CNTN1: variants seen among roughly 807,000 people sequenced by gnomAD.
The protein encoded by CNTN1 is contactin-1.
Under a neutral mutation model 126.4 loss-of-function variants are expected in CNTN1, and 38 were observed. That is an observed-to-expected ratio of 0.30 (90% CI 0.23 to 0.39). The LOEUF (loss-of-function observed/expected upper bound fraction) is 0.39, where lower values mean the gene tolerates loss of function less well. Ranked by LOEUF, CNTN1 falls within the 10% of genes least tolerant of loss-of-function variation. CNTN1 has a pLI of 1.00. For synonymous variants in CNTN1, 413 were observed against 422.6 expected, an observed-to-expected ratio of 0.98 and a Z score of 0.28; for missense variants, 1,009 against 1,248.4, an observed-to-expected ratio of 0.81 and a Z score of 2.89.
chr12:41,025,934 A>T (rs188883708), intron 21 of CNTN1, among the ~76,000 whole-genome samples: 336 of 152,190 alleles, frequency 2.2e-3, no homozygotes, highest in Non-Finnish European at 3.7e-3. Flanking sequence ...TTTATGTAGG[A>T]CTCTAGGGAA....
intron 1 of CNTN1, among the ~76,000 whole-genome samples, chr12:40,704,486 C>G (rs1183033380): frequency 6.6e-6 from 1 of 151,990 alleles, no homozygotes; most frequent in East Asian, 1.9e-4. Flanking sequence ...TCATCTTCAT[C>G]TTTTTCACAG....
At chr12:41,057,202 T>A (rs1361760361) in intron 23 of CNTN1, among the ~76,000 whole-genome samples, 9 of 145,264 alleles carry the variant, frequency 6.2e-5, no homozygotes, top group Non-Finnish European at 1.4e-4. Context: ...TTTATATTAT[T>A]ATATTTAGAT....
chr12:40,990,157 G>C (rs1033845039), intron 16 of CNTN1, among the ~76,000 whole-genome samples: 5 of 152,126 alleles, frequency 3.3e-5, no homozygotes, highest in African/African-American at 4.8e-5. Context: ...AAACATGTTT[G>C]TTTTAGATAT....
chr12:41,025,343 C>G lies in CNTN1; in HGVS notation c.2710+7C>G. ...GCTTTCACCAAGAAAGCACGTGAGT[C>G]TCACGTTTTGTTTTTAGACTTGTCA... On this transcript the variant is annotated splice_region_variant and intron_variant, in intron 21 of 23. Transcript: ENST00000551295. 4 of 1,612,802 alleles carry G rather than the reference C, an allele frequency of 2.5e-6. No homozygotes were observed. Among genetic ancestry groups the G allele is most frequent in the Non-Finnish European group, 3.4e-6 (4 of 1,178,972 alleles).
chr12:40,752,242 GC>G (rs2136399968), intron 1 of CNTN1, among the ~76,000 whole-genome samples: 1 of 152,086 alleles, frequency 6.6e-6, no homozygotes, highest in African/African-American at 2.4e-5. Flanking sequence ...ATGTTTATTA[GC>G]CCATGCCTTG....
At chr12:40,954,183 C>G (rs1946785433) in intron 14 of CNTN1, among the ~76,000 whole-genome samples, 1 of 151,916 alleles carries the variant, frequency 6.6e-6, no homozygotes, top group African/African-American at 2.4e-5. Context: ...TGTATGCAGA[C>G]ATTATTCTTT....
chr12:40,924,500 G>C (rs1036575014), intron 5 of CNTN1, 57 bp from the exon 6 acceptor site: 2 of 905,904 alleles, frequency 2.2e-6, no homozygotes, highest in African/African-American at 3.3e-5. Context: ...ATTGATGAAT[G>C]TCTCTCTTTC....
At chr12:41,049,958 A>G (rs1444469800) in intron 23 of CNTN1, among the ~76,000 whole-genome samples, 3 of 152,178 alleles carry the variant, frequency 2.0e-5, no homozygotes, top group African/African-American at 7.2e-5. Context: ...AGTGCAGAGT[A>G]GCACAATCTC....
At chr12:40,887,342 A>T (rs1944074475) in intron 1 of CNTN1, among the ~76,000 whole-genome samples, 1 of 152,228 alleles carries the variant, frequency 6.6e-6, no homozygotes, top group African/African-American at 2.4e-5. Flanking sequence ...CCCCATCAAA[A>T]AGTGGGCGAA....
chr12:40,730,773 TATA>T (rs1279014352), intron 1 of CNTN1, among the ~76,000 whole-genome samples: 7 of 152,202 alleles, frequency 4.6e-5, no homozygotes, highest in Non-Finnish European at 8.8e-5. Flanking sequence ...TTAAAATAGT[TATA>T]ATAACATTTC....
chr12:40,765,275 C>G (rs1271899641), intron 1 of CNTN1, among the ~76,000 whole-genome samples: 2 of 151,968 alleles, frequency 1.3e-5, no homozygotes, highest in Admixed American at 6.6e-5. Context: ...CAGAAAGGAA[C>G]AGGTTCGAGT....
At chr12:40,711,184 C>A (rs1310270376) in intron 1 of CNTN1, among the ~76,000 whole-genome samples, 2 of 152,198 alleles carry the variant, frequency 1.3e-5, no homozygotes, top group African/African-American at 4.8e-5. Context: ...TTCTCTTGTG[C>A]TCAGAAGTTT....
At chr12:40,894,332 T>C (rs1944334327) in intron 1 of CNTN1, among the ~76,000 whole-genome samples, 2 of 152,170 alleles carry the variant, frequency 1.3e-5, no homozygotes, top group African/African-American at 4.8e-5. Context: ...TTCCTCCCAA[T>C]TGTTAAAACC....
intron 1 of CNTN1, among the ~76,000 whole-genome samples, chr12:40,829,662 T>A (rs923392419): frequency 3.3e-5 from 5 of 152,152 alleles, no homozygotes; most frequent in Non-Finnish European, 5.9e-5. Flanking sequence ...CAGAATGGTT[T>A]AAATCTTCAA....
intron 1 of CNTN1, among the ~76,000 whole-genome samples, chr12:40,821,191 T>A (rs982201506): frequency 1.3e-5 from 2 of 152,228 alleles, no homozygotes; most frequent in Admixed American, 6.5e-5. Flanking sequence ...AATATTTAAA[T>A]GTGTTACTAG....
At chr12:40,778,303 C>T (rs1253606703) in intron 1 of CNTN1, among the ~76,000 whole-genome samples, 1 of 151,812 alleles carries the variant, frequency 6.6e-6, no homozygotes, top group Non-Finnish European at 1.5e-5. Flanking sequence ...AACCCCTGTA[C>T]TGTTTTTGTA....
chr12:40,834,607 T>A (rs1341865252), intron 1 of CNTN1, among the ~76,000 whole-genome samples: 1 of 152,076 alleles, frequency 6.6e-6, no homozygotes, highest in Non-Finnish European at 1.5e-5. Flanking sequence ...AAGAACTGGG[T>A]GGATAGGCAG....
chr12:40,860,653 A>G (rs904855628), intron 1 of CNTN1, among the ~76,000 whole-genome samples: 2 of 152,138 alleles, frequency 1.3e-5, no homozygotes, highest in Admixed American at 6.6e-5. Flanking sequence ...AGCCAAAGGG[A>G]GGAGATATGT....
At chr12:40,976,988 CA>C (rs1221598853) in intron 15 of CNTN1, among the ~76,000 whole-genome samples, 1 of 152,086 alleles carries the variant, frequency 6.6e-6, no homozygotes, top group East Asian at 1.9e-4. Flanking sequence ...TTTATTTTGC[CA>C]AGGTTATGAA....
Sources: allele counts gnomAD v4.1 joint callset (sites outside exome capture counted in the v4.1 genomes callset), GRCh38; gene constraint gnomAD v4.1.1; transcripts MANE v1.5; gene names NCBI Gene and HGNC (gene_info 2026-07-23, HGNC 2026-07-21).